Variants in MACROD2 observed in about 807,000 individuals in gnomAD.
MACROD2 encodes the protein ADP-ribose glycohydrolase MACROD2.
A neutral mutation model predicts 70.4 loss-of-function variants in MACROD2; 36 were observed. The observed-to-expected ratio is 0.51, with a 90% CI of 0.39 to 0.68. The LOEUF is 0.68. MACROD2 is among the 30% of genes least tolerant of loss of function. The pLI is 0.00. For synonymous variants in MACROD2, 172 were observed against 178.8 expected (o/e 0.96, Z 0.30); for missense variants, 496 against 538.4 (o/e 0.92, Z 0.78).
intron 8 of MACROD2, among the ~76,000 whole-genome samples, chr20:15,593,021 A>G (rs140696755): frequency 3.9e-5 from 6 of 152,348 alleles, no homozygotes; most frequent in African/African-American, 1.2e-4. Context: ...GAGGAAATAT[A>G]GCAGCAGGAA....
intron 10 of MACROD2, among the ~76,000 whole-genome samples, chr20:15,922,037 C>A (rs375207848): frequency 1.3e-5 from 2 of 152,334 alleles, no homozygotes; most frequent in East Asian, 3.9e-4. Context: ...CTCCCCAGCA[C>A]CTCAGTATTG....
intron 3 of MACROD2, among the ~76,000 whole-genome samples, chr20:14,310,187 A>C (rs1409923661): frequency 6.6e-6 from 1 of 152,196 alleles, no homozygotes; most frequent in African/African-American, 2.4e-5. Context: ...TAGTTAATTT[A>C]TTTGAATGTT....
chr20:14,913,380 T>A (rs2074052475), intron 5 of MACROD2, among the ~76,000 whole-genome samples: 1 of 152,152 alleles, frequency 6.6e-6, no homozygotes, highest in African/African-American at 2.4e-5. Flanking sequence ...TGTATTATTT[T>A]AATTTTTTCT....
chr20:15,994,104 G>A (rs1016750807), intron 15 of MACROD2, among the ~76,000 whole-genome samples: 5 of 152,202 alleles, frequency 3.3e-5, no homozygotes, highest in Middle Eastern at 3.4e-3. Context: ...ATTTGTTATT[G>A]TTCACTATTT....
At chr20:15,226,805 G>A (rs2076910407) in intron 5 of MACROD2, among the ~76,000 whole-genome samples, 1 of 151,930 alleles carries the variant, frequency 6.6e-6, no homozygotes, top group Admixed American at 6.6e-5. Context: ...ATCTAAGCAG[G>A]AGATTTATTT....
intron 5 of MACROD2, among the ~76,000 whole-genome samples, chr20:15,183,315 G>A (rs1037828989): frequency 2.0e-5 from 3 of 152,040 alleles, no homozygotes; most frequent in East Asian, 1.9e-4. Context: ...CAGGAGGATC[G>A]CTTGGGGCCA....
intron 5 of MACROD2, among the ~76,000 whole-genome samples, chr20:14,730,843 G>GT (rs988273358): frequency 6.6e-6 from 1 of 151,926 alleles, no homozygotes; most frequent in African/African-American, 2.4e-5. Context: ...GGTTTAAAGT[G>GT]TTTTTTTAAA....
At chr20:14,346,803 G>A (rs771473039) in intron 3 of MACROD2, among the ~76,000 whole-genome samples, 2 of 152,152 alleles carry the variant, frequency 1.3e-5, no homozygotes, top group Non-Finnish European at 1.5e-5. Flanking sequence ...TGTTTGCCAC[G>A]TGTCTTCCCT....
intron 3 of MACROD2, among the ~76,000 whole-genome samples, chr20:14,256,411 G>T (rs2082056681): frequency 6.6e-6 from 1 of 151,982 alleles, no homozygotes; most frequent in African/African-American, 2.4e-5. Context: ...TTTTGACTAT[G>T]TCTTATTTTC....
At chr20:14,735,612 C>T (rs1013938274) in intron 5 of MACROD2, among the ~76,000 whole-genome samples, 2 of 152,096 alleles carry the variant, frequency 1.3e-5, no homozygotes, top group African/African-American at 4.8e-5. Flanking sequence ...CTTTAGGAGG[C>T]TGAGGTGGGT....
chr20:14,454,384 T>C (rs1043762536), intron 3 of MACROD2, among the ~76,000 whole-genome samples: 17 of 151,736 alleles, frequency 1.1e-4, no homozygotes, highest in Admixed American at 2.6e-4. Flanking sequence ...TAAATTTTTA[T>C]GTAGCTAGAT....
At chr20:16,032,358 C>A (rs1005207591) in intron 15 of MACROD2, among the ~76,000 whole-genome samples, 2 of 152,028 alleles carry the variant, frequency 1.3e-5, no homozygotes, top group African/African-American at 2.4e-5. Context: ...GCAATATTCC[C>A]AAGTAACAAA....
At position 15,948,301 on chromosome 20, in the gene MACROD2, G is replaced by C. The variant is rs1263653290; in HGVS notation, c.907+10757G>C. 2.1e-5 allele frequency among the ~76,000 whole-genome samples: 3 copies of C among 142,510 alleles called. No homozygotes were observed. The East Asian group carries it at 6.2e-4, about 30-fold the overall frequency. The allele number at this position is 142,510 out of a possible 152,430, so 93.5% of individuals were successfully genotyped here. ...AGCACAGTGGGAGGGACAATGATCG[G>C]CATATAAACCCAGGCATTCGAGCCA... On this transcript the variant is annotated intron_variant, in intron 12 of 17. Coordinates refer to ENST00000684519, the MANE Select transcript of MACROD2 (RefSeq NM_001351661.2).
At chr20:15,640,076 T>C (rs1351622190) in intron 8 of MACROD2, among the ~76,000 whole-genome samples, 1 of 136,334 alleles carries the variant, frequency 7.3e-6, no homozygotes, top group Non-Finnish European at 1.6e-5. Context: ...TGAGAGAAGG[T>C]GAGAGAAAAA....
At chr20:14,069,168 A>G (rs911328188) in intron 2 of MACROD2, among the ~76,000 whole-genome samples, 18 of 152,092 alleles carry the variant, frequency 1.2e-4, no homozygotes, top group Non-Finnish European at 2.5e-4. Flanking sequence ...GCTGGTCTCA[A>G]ACTCCTGACT....
chr20:15,021,234 A>G (rs140314665), intron 5 of MACROD2, among the ~76,000 whole-genome samples: 1,146 of 15,292 alleles, frequency 0.075, 169 homozygotes, highest in East Asian at 0.24. Flanking sequence ...GTGCGTATAC[A>G]CACACCTGTG....
At chr20:15,191,956 T>C (rs117904528) in intron 5 of MACROD2, among the ~76,000 whole-genome samples, 15,145 of 135,498 alleles carry the variant, frequency 0.11, 1,081 homozygotes, top group Non-Finnish European at 0.16. Context: ...TTAATACATA[T>C]ATACAACTTT....
intron 3 of MACROD2, among the ~76,000 whole-genome samples, chr20:14,370,833 A>G (rs1260814163): frequency 6.6e-6 from 1 of 152,228 alleles, no homozygotes; most frequent in Non-Finnish European, 1.5e-5. Flanking sequence ...TTAAGTAACA[A>G]TTGCATTTTC....
intron 8 of MACROD2, among the ~76,000 whole-genome samples, chr20:15,683,049 G>C (rs1449168815): frequency 6.6e-6 from 1 of 152,168 alleles, no homozygotes; most frequent in Non-Finnish European, 1.5e-5. Context: ...AGAGATTGAT[G>C]AACAATTTTC....
Sources: allele counts gnomAD v4.1 joint callset (sites outside exome capture counted in the v4.1 genomes callset), GRCh38; gene constraint gnomAD v4.1.1; transcripts MANE v1.5; gene names NCBI Gene and HGNC (gene_info 2026-07-23, HGNC 2026-07-21).